The following NFAM1 variants were observed in gnomAD, a reference collection of about 807,000 sequenced individuals.
The protein encoded by NFAM1 is NFAT activating protein with ITAM motif 1.
NFAM1 carries 17 observed loss-of-function variants against 29.0 expected under a neutral mutation model. The ratio of observed to expected loss-of-function variants is 0.59; its 90% CI spans 0.40 to 0.88. The LOEUF is 0.88. NFAM1 is among the 40% of genes least tolerant of loss of function. The pLI, the probability that NFAM1 is intolerant of heterozygous loss-of-function variation, is 0.00. For missense variants in NFAM1, 324 were observed against 344.6 expected (o/e 0.94, Z 0.47); for synonymous variants, 175 against 147.2 (o/e 1.19, Z -1.36).
intron 3 of NFAM1, among the ~76,000 whole-genome samples, chr22:42,406,843 C>T (rs1168300303): frequency 1.3e-5 from 2 of 151,992 alleles, no homozygotes; most frequent in African/African-American, 2.4e-5. Flanking sequence ...GGTGCCATCT[C>T]GGCTCACTGC....
intron 3 of NFAM1, among the ~76,000 whole-genome samples, chr22:42,405,940 C>T (rs1056073034): frequency 8.5e-5 from 13 of 152,234 alleles, no homozygotes; most frequent in Non-Finnish European, 1.5e-4. Flanking sequence ...CTGGGGCTCC[C>T]GGGGGTGAAA....
Position 42,419,990 on chromosome 22 carries a change from G to GTTTTTTTTTTTTTTTTTTT in NFAM1, c.122-8273_122-8255dup, listed in dbSNP as rs869262500. 6.6e-5 allele frequency among the ~76,000 whole-genome samples: 2 copies of GTTTTTTTTTTTTTTTTTTT among 30,522 alleles called. 1 individual carries two copies. The highest frequency in any genetic ancestry group is 3.3e-4 in the African/African-American group (2 of 5,982). 20.0% of individuals were successfully genotyped at this position (30,522 alleles called of 152,430 possible). A position where few individuals can be genotyped will look rare whatever the true frequency, so the allele number is the denominator to read the frequency against. On this transcript the variant is annotated intron_variant, in intron 1 of 5. Coordinates refer to ENST00000329021, the MANE Select transcript of NFAM1 (RefSeq NM_145912.8). This position sits in a 1 kb window ranked among gnomAD's most constrained non-coding sequence, Gnocchi z 4.5. ...CTTTGAGTCTGTAATCCCACTCTTG[G>GTTTTTTTTTTTTTTTTTTT]TTTTTTTTTTTTTTTTTTTTTTTTT...
chr22:42,398,036 G>A lies in NFAM1; in HGVS notation c.565-80C>T, dbSNP rs140154159. 113 of 721,024 alleles carry A rather than the reference G, an allele frequency of 1.6e-4. No individual in the cohort carries two copies. In the African/African-American group the frequency reaches 1.7e-3, roughly 11 times the overall value. The allele number at this position is 721,024 out of a possible 1,614,324, so 44.7% of individuals were successfully genotyped here. A position where few individuals can be genotyped will look rare whatever the true frequency, so the allele number is the denominator to read the frequency against. ...GCACAGACCCCCCAGGGGAAAGGAT[G>A]GCAGATTGTCATGAGGTCACACAGA... On this transcript the variant is annotated intron_variant, in intron 3 of 5. Coordinates refer to ENST00000329021, the MANE Select transcript of NFAM1 (RefSeq NM_145912.8).
At chr22:42,407,515 C>T (rs1344086626) in intron 3 of NFAM1, among the ~76,000 whole-genome samples, 1 of 152,002 alleles carries the variant, frequency 6.6e-6, no homozygotes, top group Non-Finnish European at 1.5e-5. Context: ...ATTACAGGCG[C>T]CTACCACCAC....
At chr22:42,413,648 G>A (rs1012087708) in intron 1 of NFAM1, among the ~76,000 whole-genome samples, 10 of 151,998 alleles carry the variant, frequency 6.6e-5, no homozygotes, top group South Asian at 2.1e-4. Flanking sequence ...ATCAGGAGCC[G>A]CGGTGGCTCA....
At chr22:42,422,997 C>T (rs1242596856) in intron 1 of NFAM1, among the ~76,000 whole-genome samples, 3 of 151,938 alleles carry the variant, frequency 2.0e-5, no homozygotes, top group African/African-American at 4.8e-5. Flanking sequence ...CCTGTAATCC[C>T]AGCTACTTGG....
Position 42,432,386 on chromosome 22 carries a change from T to C in NFAM1, c.-29A>G, listed in dbSNP as rs1930841567. ...GGGGCCTGCTTGTCTGCGGCGACTC[T>C]TTAGTTCACAGGAGGGGACGGCCGG... On this transcript the variant is annotated 5_prime_UTR_variant, in exon 1 of 6. Transcript: ENST00000329021. 6 of 1,538,112 alleles carry C rather than the reference T, an allele frequency of 3.9e-6. No individual in the cohort carries two copies. Among genetic ancestry groups the C allele is most frequent in the Non-Finnish European group, 5.2e-6 (6 of 1,145,224 alleles).
chr22:42,436,019 C>T (rs1337938962), upstream of NFAM1, among the ~76,000 whole-genome samples: 2 of 151,988 alleles, frequency 1.3e-5, no homozygotes, highest in Non-Finnish European at 2.9e-5. Context: ...AGGGTTTTAC[C>T]ATGTTGGCCA....
rs1036771556 is a variant in NFAM1, at chr22:42,382,846, C to T, written c.*2315G>A. On this transcript the variant is annotated 3_prime_UTR_variant, in exon 6 of 6. Coordinates refer to ENST00000329021, the MANE Select transcript of NFAM1 (RefSeq NM_145912.8). Reference sequence around the variant, plus strand: ...GCCTCTCTCCTTGCTCACTGAAGACCTCAGCACCCACTGCCTCCCAGCCTT... The same window carrying T: ...GCCTCTCTCCTTGCTCACTGAAGACTTCAGCACCCACTGCCTCCCAGCCTT... 1 of 154,446 alleles carries T rather than the reference C, an allele frequency of 6.5e-6. No individual in the cohort carries two copies. Among genetic ancestry groups the T allele is most frequent in the African/African-American group, 2.4e-5 (1 of 41,496 alleles). The allele number at this position is 154,446 out of a possible 1,614,324, so 9.6% of individuals were successfully genotyped here. A position where few individuals can be genotyped will look rare whatever the true frequency, so the allele number is the denominator to read the frequency against.
At chr22:42,418,970 G>T (rs556863681) in intron 1 of NFAM1, among the ~76,000 whole-genome samples, 1 of 152,278 alleles carries the variant, frequency 6.6e-6, no homozygotes, top group South Asian at 2.1e-4. Context: ...GAAAGAGTTT[G>T]TCAACCGCCC....
Position 42,384,573 on chromosome 22 carries a change from G to C in NFAM1, c.*588C>G, listed in dbSNP as rs571140848. On this transcript the variant is annotated 3_prime_UTR_variant, in exon 6 of 6. Transcript: ENST00000329021. ...CAGATCTGTCCCTGATCCTAGTCTT[G>C]CCTCTGAGGGGTCCATCATCCTTGT... The C allele has an allele frequency of 6.2e-6, 1 of 160,864 alleles. No homozygotes were observed. The highest frequency in any genetic ancestry group is 1.4e-5 in the Non-Finnish European group (1 of 72,938). The allele number at this position is 160,864 out of a possible 1,614,324, so 10.0% of individuals were successfully genotyped here.
At chr22:42,406,430 C>T (rs1312086118) in intron 3 of NFAM1, among the ~76,000 whole-genome samples, 3 of 152,190 alleles carry the variant, frequency 2.0e-5, no homozygotes, top group African/African-American at 4.8e-5. Context: ...CTTTCAATGC[C>T]CCCTACCTGG....
intron 4 of NFAM1, among the ~76,000 whole-genome samples, chr22:42,396,926 G>A (rs1365074912): frequency 1.9e-5 from 2 of 107,486 alleles, no homozygotes; most frequent in African/African-American, 8.0e-5. Context: ...CAGCCAGGGG[G>A]CGTGCACCTG....
chr22:42,416,049 G>T (rs928584527), intron 1 of NFAM1, among the ~76,000 whole-genome samples: 1 of 152,172 alleles, frequency 6.6e-6, no homozygotes, highest in Non-Finnish European at 1.5e-5. Context: ...CCATGACCCA[G>T]AAGTAGGAAC....
chr22:42,437,063 C>A, upstream of NFAM1: 3 of 805,326 alleles, frequency 3.7e-6, no homozygotes, highest in South Asian at 1.7e-4. Flanking sequence ...GCCAACTCCC[C>A]AACCCCGCCA....
chr22:42,394,926 TG>T (rs1026984465), intron 4 of NFAM1, among the ~76,000 whole-genome samples: 5 of 151,916 alleles, frequency 3.3e-5, no homozygotes, highest in South Asian at 4.2e-4. Context: ...AAAACCAGCC[TG>T]GGCAATATAG....
intron 1 of NFAM1, among the ~76,000 whole-genome samples, chr22:42,428,617 C>T (rs1296837251): frequency 1.3e-5 from 2 of 152,124 alleles, no homozygotes; most frequent in African/African-American, 4.8e-5. Context: ...ACAAACTTGT[C>T]TGGTAACTCC....
Position 42,382,236 on chromosome 22 carries a change from A to T in NFAM1, c.*2925T>A. 6.6e-6 allele frequency: 1 copy of T among 152,312 alleles called. No individual in the cohort carries two copies. Among genetic ancestry groups the T allele is most frequent in the Middle Eastern group, 3.4e-3 (1 of 296 alleles). 9.4% of individuals were successfully genotyped at this position (152,312 alleles called of 1,614,324 possible). Reference sequence around the variant, plus strand: ...ACACCAGGCTAATTTTTGTATTTTTAGTAGAGACGGGGTTTCACCACGTTG... The same window carrying T: ...ACACCAGGCTAATTTTTGTATTTTTTGTAGAGACGGGGTTTCACCACGTTG... On this transcript the variant is annotated 3_prime_UTR_variant, in exon 6 of 6. Coordinates refer to ENST00000329021, the MANE Select transcript of NFAM1 (RefSeq NM_145912.8).
At chr22:42,398,198 G>A (rs538305422) in intron 3 of NFAM1, among the ~76,000 whole-genome samples, 5 of 152,252 alleles carry the variant, frequency 3.3e-5, no homozygotes, top group Non-Finnish European at 5.9e-5. Context: ...TCCCTGGACA[G>A]AGCACCTGGC....
Sources: gnomAD v4.1 joint callset for allele counts (sites outside exome capture counted in the v4.1 genomes callset) on GRCh38, gnomAD v4.1.1 for gene constraint, Gnocchi (gnomAD v3.1) non-coding constraint, MANE v1.5 for transcripts, NCBI Gene and HGNC (gene_info 2026-07-23, HGNC 2026-07-21) for gene names.